The following PRCP variants were observed in gnomAD, a reference collection of about 807,000 sequenced individuals.
The protein encoded by PRCP is prolylcarboxypeptidase, also known as lysosomal Pro-X carboxypeptidase.
In PRCP, 46 loss-of-function variants were observed where a neutral mutation model predicts 54.2. The ratio of observed to expected loss-of-function variants is 0.85; its 90% CI spans 0.67 to 1.09. PRCP has a LOEUF of 1.09. Ranked by LOEUF, PRCP falls within the 50% of genes least tolerant of loss-of-function variation. The pLI is 0.00. For synonymous variants in PRCP, 240 were observed against 212.2 expected (o/e 1.13, Z -1.14); for missense variants, 613 against 596.8 (o/e 1.03, Z -0.28).
intron 1 of PRCP, chr11:82,884,840 G>T (rs769216837): frequency 1.2e-6 from 2 of 1,613,488 alleles, no homozygotes; most frequent in East Asian, 2.2e-5. Flanking sequence ...GTCTTGTAAT[G>T]ATTTAGTTGG....
chr11:82,835,623 T>G (rs974026810), intron 8 of PRCP: 5 of 310,898 alleles, frequency 1.6e-5, no homozygotes, highest in Admixed American at 1.3e-4. Context: ...GCCGAAGAAG[T>G]GGAACCAGAA....
chr11:82,829,809 G>T (rs1170932050), intron 8 of PRCP: 1 of 152,142 alleles, frequency 6.6e-6, no homozygotes, highest in Non-Finnish European at 1.5e-5. Flanking sequence ...CCTCATACTG[G>T]ATGCCCATCA....
chr11:82,868,977 G>A (rs539750266), intron 1 of PRCP, among the ~76,000 whole-genome samples: 18 of 152,122 alleles, frequency 1.2e-4, no homozygotes, highest in Middle Eastern at 3.4e-3. Context: ...CAGAGGTTGC[G>A]GTAAGCCAAG....
intron 1 of PRCP, among the ~76,000 whole-genome samples, chr11:82,895,943 A>C (rs760046875): frequency 3.3e-5 from 5 of 152,238 alleles, no homozygotes; most frequent in Non-Finnish European, 7.3e-5. Flanking sequence ...GAGCTGCAGA[A>C]GTCAGTGACC....
At position 82,825,062 on chromosome 11, in the gene PRCP, C is replaced by A; in HGVS notation, c.1335G>T (p.Leu445=). ...GGVTKDITDT[L]VAVTISEGAH... is the part of the protein sequence containing the mutation. The stretch of plus-strand genomic sequence containing the variant: ...CCCCCTCTGAGATGGTGACTGCAAC[C>A]AGAGTGTCTGTGATATCCTTAGTTA... Residue 445 remains leucine, a synonymous_variant, in exon 9 of 9, where the codon CTG becomes CTT. Coordinates refer to ENST00000313010, the MANE Select transcript of PRCP (RefSeq NM_005040.4). 1 of 1,614,010 alleles carries A rather than the reference C, an allele frequency of 6.2e-7. No individual in the cohort carries two copies. The highest frequency in any genetic ancestry group is 8.5e-7 in the Non-Finnish European group (1 of 1,179,968).
chr11:82,839,600 C>T (rs1273982853), intron 6 of PRCP, 175 bp from the exon 7 acceptor site: 1 of 661,610 alleles, frequency 1.5e-6, no homozygotes, highest in Non-Finnish European at 2.5e-6. Flanking sequence ...GAATAAACCT[C>T]TTCAATTACT....
In PRCP at chr11:82,824,852, G is replaced by A; in HGVS notation, c.*54C>T. Reference sequence around the variant, plus strand: ...TTACATGTAGAAAATCAAAGTGAATGGGAATGTGGTGGTGTGAACATAAAA... The same window carrying A: ...TTACATGTAGAAAATCAAAGTGAATAGGAATGTGGTGGTGTGAACATAAAA... On this transcript the variant is annotated 3_prime_UTR_variant, in exon 9 of 9. Transcript: ENST00000313010. 1 of 1,501,578 alleles carries A rather than the reference G, an allele frequency of 6.7e-7. No individual in the cohort carries two copies. The highest frequency in any genetic ancestry group is 2.4e-5 in the East Asian group (1 of 42,364). 93.0% of individuals were successfully genotyped at this position (1,501,578 alleles called of 1,614,324 possible). A position where few individuals can be genotyped will look rare whatever the true frequency, so the allele number is the denominator to read the frequency against.
At position 82,838,564 on chromosome 11, in the gene PRCP, T is replaced by C. The variant is rs888197345; in HGVS notation, c.1097A>G (p.Glu366Gly). 1.2e-6 allele frequency: 2 copies of C among 1,613,054 alleles called. No homozygotes were observed. Among genetic ancestry groups the C allele is most frequent in the Admixed American group, 1.7e-5 (1 of 59,872 alleles). ...ATTAGTACAAAAGGGCATGACTACT[T>C]CTGTGCAGGCCTAAGAAGCAAACCA... Reference protein sequence around the residue: ...TLGWSYQACTEVVMPFCTNGV... With the variant: ...TLGWSYQACTGVVMPFCTNGV... Residue 366 changes from glutamate to glycine, a missense_variant, in exon 8 of 9, where the codon GAA (glutamate) becomes GGA (glycine). Coordinates refer to ENST00000313010, the MANE Select transcript of PRCP (RefSeq NM_005040.4).
chr11:82,873,613 G>A (rs1382042689), intron 1 of PRCP, among the ~76,000 whole-genome samples: 2 of 152,122 alleles, frequency 1.3e-5, no homozygotes, highest in East Asian at 1.9e-4. Flanking sequence ...ATCTTCACTG[G>A]TTACCTCTGA....
Position 82,900,244 on chromosome 11 carries a change from G to C in PRCP, c.159C>G (p.Phe53Leu). 6.2e-7 allele frequency: 1 copy of C among 1,614,182 alleles called. No homozygotes were observed. Among genetic ancestry groups the C allele is most frequent in the Non-Finnish European group, 8.5e-7 (1 of 1,180,002 alleles). ...AVAKNYSVLY[F>L]QQKVDHFGFN... is the part of the protein sequence containing the mutation. ...CCCCGCTCCCCCTTACCTTCTGTTG[G>C]AAGTAGAGAACCGAATAGTTCTTGG... The change falls in exon 1 of 9, where the codon TTC becomes TTG. Residue 53 changes from phenylalanine to leucine, a missense_variant. Coordinates refer to ENST00000313010, the MANE Select transcript of PRCP (RefSeq NM_005040.4).
chr11:82,836,853 G>A, intron 8 of PRCP: 2 of 374,618 alleles, frequency 5.3e-6, no homozygotes, highest in Non-Finnish European at 5.4e-6. Context: ...CAGCCTCCTT[G>A]CATTTTTGTT....
chr11:82,838,395 A>C lies in PRCP; in HGVS notation c.1266T>G (p.Ile422Met). The change falls in exon 8 of 9, where the codon ATT becomes ATG. Residue 422 changes from isoleucine to methionine, a missense_variant. Transcript: ENST00000313010. ...GGACAGCAAAAACTCACCTGAAAACAATGTTTGTGTGTGAACTAATGTTTT... is the reference window on the plus strand; with the variant it reads ...GGACAGCAAAAACTCACCTGAAAACCATGTTTGTGTGTGAACTAATGTTTT... ...GGKNISSHTN[I>M]VFSNGELDPW... 1 of 1,604,048 alleles carries C rather than the reference A, an allele frequency of 6.2e-7. No homozygotes were observed. The highest frequency in any genetic ancestry group is 1.1e-5 in the South Asian group (1 of 88,862).
At position 82,839,447 on chromosome 11, in the gene PRCP, T is replaced by A. The variant is rs762377776; in HGVS notation, c.922-22A>T. The A allele has an allele frequency of 8.2e-6, 13 of 1,592,670 alleles. No individual in the cohort carries two copies. The South Asian group carries it at 1.4e-4, about 18-fold the overall frequency. On this transcript the variant is annotated intron_variant, in intron 6 of 8. Coordinates refer to ENST00000313010, the MANE Select transcript of PRCP (RefSeq NM_005040.4). Reference sequence around the variant, plus strand: ...CTACCTGTCATTTTAGAAAGATAAATGGGGAAAGAGTCAGAATATGAATAT... The same window carrying A: ...CTACCTGTCATTTTAGAAAGATAAAAGGGGAAAGAGTCAGAATATGAATAT...
chr11:82,853,214 T>A lies in PRCP; in HGVS notation c.374A>T (p.Tyr125Phe). The A allele has an allele frequency of 6.2e-7, 1 of 1,612,732 alleles. No individual in the cohort carries two copies. The highest frequency in any genetic ancestry group is 8.5e-7 in the Non-Finnish European group (1 of 1,179,076). The change falls in exon 3 of 9, where the codon TAT becomes TTT. Residue 125 changes from tyrosine (Y) to phenylalanine (F), a missense_variant. Coordinates refer to ENST00000313010, the MANE Select transcript of PRCP (RefSeq NM_005040.4). ...AMLVFAEHRY[Y>F]GESLPFGDNS... ...GTCACCAAAGGGGAGAGACTCTCCA[T>A]AGTATCGATGTTCAGCAAACACCAA...
rs1858148379 is a variant in PRCP, at chr11:82,823,640, A to C, written c.*1266T>G. ...CAGGGTGAAGAAAAAAAAATTATTG[A>C]GAGAAAATGAAAAGAAACAAGGAGG... On this transcript the variant is annotated 3_prime_UTR_variant, in exon 9 of 9. Coordinates refer to ENST00000313010, the MANE Select transcript of PRCP (RefSeq NM_005040.4). 1 of 152,224 alleles carries C rather than the reference A, an allele frequency of 6.6e-6. No individual in the cohort carries two copies. Among genetic ancestry groups the C allele is most frequent in the South Asian group, 2.1e-4 (1 of 4,830 alleles). 9.4% of individuals were successfully genotyped at this position (152,224 alleles called of 1,614,324 possible).
At chr11:82,878,805 T>C (rs2121233088) in intron 1 of PRCP, among the ~76,000 whole-genome samples, 2 of 152,298 alleles carry the variant, frequency 1.3e-5, no homozygotes, top group South Asian at 4.1e-4. Context: ...TTATGAAGTT[T>C]AGTTTGGCTG....
intron 2 of PRCP, 60 bp from the exon 3 acceptor site, chr11:82,853,338 C>T (rs1256676160): frequency 2.1e-6 from 3 of 1,435,246 alleles, no homozygotes; most frequent in Non-Finnish European, 2.9e-6. Context: ...GTCACTGAAC[C>T]TTTTGGCAAA....
intron 8 of PRCP, chr11:82,836,644 GCTCAAGCCGTCC>G: frequency 5.7e-6 from 1 of 174,718 alleles, no homozygotes; most frequent in Non-Finnish European, 1.2e-5. Flanking sequence ...CACCTCCTGG[GCTCAAGCCGTCC>G]TGCCACCTCA....
chr11:82,859,939 T>A (rs1332581274), intron 2 of PRCP, 38 bp downstream of exon 2: 2 of 1,520,850 alleles, frequency 1.3e-6, no homozygotes, highest in African/African-American at 2.8e-5. Context: ...ATAATAAAAG[T>A]CAAATTGAGC....
Sources: allele counts gnomAD v4.1 joint callset (sites outside exome capture counted in the v4.1 genomes callset), GRCh38; gene constraint gnomAD v4.1.1; transcripts MANE v1.5; gene names NCBI Gene and HGNC (gene_info 2026-07-23, HGNC 2026-07-21).